Variants in TTC7B observed in about 807,000 individuals in gnomAD.
The protein encoded by TTC7B is tetratricopeptide repeat protein 7B.
TTC7B carries 28 observed loss-of-function variants against 106.8 expected under a neutral mutation model. The ratio of observed to expected loss-of-function variants is 0.26; its 90% CI spans 0.19 to 0.36. The LOEUF (loss-of-function observed/expected upper bound fraction) is 0.36. Among genes scored for constraint, TTC7B ranks in the 10% least tolerant of loss-of-function variants. The pLI is 1.00. For synonymous variants in TTC7B, 405 were observed against 430.6 expected, an observed-to-expected ratio of 0.94 and a Z score of 0.74; for missense variants, 862 against 1,076.4, an observed-to-expected ratio of 0.80 and a Z score of 2.79.
intron 1 of TTC7B, among the ~76,000 whole-genome samples, chr14:90,797,390 A>G (rs1025697877): frequency 6.7e-6 from 1 of 149,016 alleles, no homozygotes; most frequent in Admixed American, 6.9e-5. Flanking sequence ...CCTGGGAGGC[A>G]GAGGTTACAG....
In TTC7B at chr14:90,679,345, C is replaced by T. The variant is rs117759611; in HGVS notation, c.1014+1127G>A. ...GCCTCTTCTGAACCCTCCTTCTCTCCGCGCATGTACGTTATTATGCTCAGA... is the reference window on the plus strand; with the variant it reads ...GCCTCTTCTGAACCCTCCTTCTCTCTGCGCATGTACGTTATTATGCTCAGA... On this transcript the variant is annotated intron_variant, in intron 8 of 19. Coordinates refer to ENST00000328459, the MANE Select transcript of TTC7B (RefSeq NM_001010854.2). 9.9e-3 allele frequency among the ~76,000 whole-genome samples: 1,503 copies of T among 152,300 alleles called. 16 individuals carry two copies. Among genetic ancestry groups the T allele is most frequent in the Non-Finnish European group, 0.016 (1,103 of 68,024 alleles).
At chr14:90,594,575 C>A (rs1892125095) in intron 17 of TTC7B, among the ~76,000 whole-genome samples, 1 of 152,076 alleles carries the variant, frequency 6.6e-6, no homozygotes, top group Non-Finnish European at 1.5e-5. Flanking sequence ...GTTAATATTT[C>A]TATTCACCTG....
chr14:90,676,473 G>A (rs80256733), intron 9 of TTC7B, 50 bp downstream of exon 9: 81,844 of 1,599,968 alleles, frequency 0.051, 2,437 homozygotes, highest in Non-Finnish European at 0.058. Context: ...TGGGGTCACC[G>A]TGCAACTGCC....
At chr14:90,711,485 A>C (rs1172306771) in intron 5 of TTC7B, among the ~76,000 whole-genome samples, 3 of 152,190 alleles carry the variant, frequency 2.0e-5, no homozygotes, top group African/African-American at 7.2e-5. Flanking sequence ...GCACTGGTGC[A>C]ATATCAGCTC....
At chr14:90,786,823 C>T (rs550316622) in intron 1 of TTC7B, among the ~76,000 whole-genome samples, 4 of 152,216 alleles carry the variant, frequency 2.6e-5, no homozygotes, top group East Asian at 1.9e-4. Context: ...TCAGGTGATC[C>T]GCCCACCTCG....
At chr14:90,702,792 G>C (rs1888046498) in intron 5 of TTC7B, among the ~76,000 whole-genome samples, 1 of 152,148 alleles carries the variant, frequency 6.6e-6, no homozygotes, top group Non-Finnish European at 1.5e-5. Context: ...GGGGCCTTGT[G>C]GTCACCCTCC....
At chr14:90,694,755 T>C (rs1362962976) in intron 6 of TTC7B, among the ~76,000 whole-genome samples, 1 of 129,082 alleles carries the variant, frequency 7.7e-6, no homozygotes, top group African/African-American at 3.1e-5. Context: ...TTATATAAAA[T>C]AAATAAATAT....
chr14:90,770,333 G>T (rs1294418470), intron 3 of TTC7B, among the ~76,000 whole-genome samples: 1 of 152,144 alleles, frequency 6.6e-6, no homozygotes, highest in Non-Finnish European at 1.5e-5. Context: ...ATAGTAGTTG[G>T]AAACTTCAAT....
At chr14:90,811,793 T>C (rs953561983) in intron 1 of TTC7B, among the ~76,000 whole-genome samples, 1 of 152,170 alleles carries the variant, frequency 6.6e-6, no homozygotes, top group African/African-American at 2.4e-5. Flanking sequence ...GCCTAATCTT[T>C]CTAAGTGAAC....
At chr14:90,708,012 G>A (rs1179414175) in intron 5 of TTC7B, among the ~76,000 whole-genome samples, 1 of 152,036 alleles carries the variant, frequency 6.6e-6, no homozygotes, top group African/African-American at 2.4e-5. Flanking sequence ...CAGGCGTGGT[G>A]ATGGGTGCCT....
intron 7 of TTC7B, among the ~76,000 whole-genome samples, chr14:90,689,119 T>C (rs1887364879): frequency 6.6e-6 from 1 of 152,224 alleles, no homozygotes; most frequent in South Asian, 2.1e-4. Context: ...TCTAGTTCCA[T>C]TTAGAACAAG....
Position 90,578,082 on chromosome 14 carries a change from C to A in TTC7B, c.2310+24G>T. ...GGCTGTCCCCATGCCAGAGTAGGGG[C>A]CACCGCCGGGCTCGTGGACTCACCA... On this transcript the variant is annotated intron_variant, in intron 19 of 19. Coordinates refer to ENST00000328459, the MANE Select transcript of TTC7B (RefSeq NM_001010854.2). This position sits in a 1 kb window ranked among gnomAD's most constrained non-coding sequence, Gnocchi z 4.7. 1 of 1,585,204 alleles carries A rather than the reference C, an allele frequency of 6.3e-7. No homozygotes were observed. Among genetic ancestry groups the A allele is most frequent in the Non-Finnish European group, 8.6e-7 (1 of 1,165,456 alleles).
intron 9 of TTC7B, among the ~76,000 whole-genome samples, chr14:90,669,357 A>T (rs2139915306): frequency 6.6e-6 from 1 of 152,352 alleles, no homozygotes; most frequent in Non-Finnish European, 1.5e-5. Context: ...AAAAATAGAT[A>T]CACTGGACTT....
intron 19 of TTC7B, among the ~76,000 whole-genome samples, chr14:90,547,089 G>A (rs1193067402): frequency 2.6e-5 from 4 of 152,238 alleles, no homozygotes; most frequent in African/African-American, 9.6e-5. Context: ...TGGGTTGGGA[G>A]CCGGCTGGGG....
intron 16 of TTC7B, among the ~76,000 whole-genome samples, chr14:90,616,172 G>C (rs1173104408): frequency 6.6e-6 from 1 of 152,150 alleles, no homozygotes; most frequent in Admixed American, 6.5e-5. Flanking sequence ...ATTTCTAAAG[G>C]GGGTACAGGC....
At chr14:90,549,293 TC>T (rs1402143485) in intron 19 of TTC7B, among the ~76,000 whole-genome samples, 1 of 152,128 alleles carries the variant, frequency 6.6e-6, no homozygotes, top group African/African-American at 2.4e-5. Flanking sequence ...CAGTGGCTTT[TC>T]CCACGGCTCA....
intron 8 of TTC7B, among the ~76,000 whole-genome samples, chr14:90,676,915 T>C (rs535038766): frequency 6.6e-6 from 1 of 152,268 alleles, no homozygotes; most frequent in Non-Finnish European, 1.5e-5. Context: ...TCGACAGGCA[T>C]CTGGAGGAAG....
At chr14:90,766,935 C>T in intron 3 of TTC7B, 1 of 1,514,752 alleles carries the variant, frequency 6.6e-7, no homozygotes, top group Non-Finnish European at 9.1e-7. Context: ...AAAGTCAGCA[C>T]ACCAAGACCA....
chr14:90,722,875 ATCC>A lies in TTC7B; in HGVS notation c.698+7197_698+7199del, dbSNP rs375070805. 3.6e-3 allele frequency among the ~76,000 whole-genome samples: 541 copies of A among 152,178 alleles called. 2 individuals are homozygous for A. The highest frequency in any genetic ancestry group is 0.012 in the African/African-American group (512 of 41,508). On this transcript the variant is annotated intron_variant, in intron 5 of 19. Transcript: ENST00000328459. ...CCACCTCTGGCAGTTCCTTCACAGG[ATCC>A]TCCTCCTTTACTCAACTTCCAACTC...
Sources: gnomAD v4.1 joint callset for allele counts (sites outside exome capture counted in the v4.1 genomes callset) on GRCh38, gnomAD v4.1.1 for gene constraint, Gnocchi (gnomAD v3.1) non-coding constraint, MANE v1.5 for transcripts, NCBI Gene and HGNC (gene_info 2026-07-23, HGNC 2026-07-21) for gene names.